Variants in SLC14A2 observed in about 807,000 individuals in gnomAD.
The protein encoded by SLC14A2 is urea transporter 2.
SLC14A2 carries 91 observed loss-of-function variants against 104.6 expected under a neutral mutation model. The ratio of observed to expected loss-of-function variants is 0.87; its 90% confidence interval spans 0.73 to 1.04. SLC14A2 has a LOEUF of 1.04. SLC14A2 is among the 50% of genes least tolerant of loss of function. The pLI is 0.00. For synonymous variants in SLC14A2, 476 were observed against 466.4 expected, an observed-to-expected ratio of 1.02 and a Z score of -0.27; for missense variants, 1,189 against 1,156.0, an observed-to-expected ratio of 1.03 and a Z score of -0.41.
rs138408346 is a variant in SLC14A2 at position 45,503,933 on chromosome 18, G to C, written c.-35+20611G>C. The stretch of plus-strand genomic sequence containing the variant: ...GATTCAGCTGACTTACCCAAAGTTA[G>C]TAACAGAGCCCCTTCCAGAACCATC... On this transcript the variant is annotated intron_variant, in intron 2 of 20. Coordinates refer to the SLC14A2 transcript ENST00000586448. 6.7e-3 allele frequency among the ~76,000 whole-genome samples: 948 copies of C among 141,122 alleles called. 10 individuals carry two copies. The highest frequency in any genetic ancestry group is 0.011 in the Non-Finnish European group (675 of 63,276). 92.6% of individuals were successfully genotyped at this position (141,122 alleles called of 152,430 possible).
intron 10 of SLC14A2, among the ~76,000 whole-genome samples, chr18:45,657,806 C>A (rs2045867054): frequency 6.6e-6 from 1 of 152,172 alleles, no homozygotes; most frequent in Non-Finnish European, 1.5e-5. Context: ...TCAATTCTAA[C>A]ATCCAATGCC....
intron 1 of SLC14A2, among the ~76,000 whole-genome samples, chr18:45,448,117 C>T (rs1339395735): frequency 6.6e-6 from 1 of 152,182 alleles, no homozygotes; most frequent in East Asian, 1.9e-4. Flanking sequence ...GGCACACCCA[C>T]CTGCTTCTAT....
intron 1 of SLC14A2, among the ~76,000 whole-genome samples, chr18:45,470,479 A>G (rs1384976524): frequency 6.6e-6 from 1 of 152,128 alleles, no homozygotes; most frequent in African/African-American, 2.4e-5. Flanking sequence ...CTCAGTTTAG[A>G]CATCACATAC....
At chr18:45,195,626 G>A in the SLC14A2 span, among the ~76,000 whole-genome samples, 21 of 152,204 alleles carry the variant, frequency 1.4e-4, no homozygotes, top group African/African-American at 5.1e-4. Context: ...TCCTGACCTC[G>A]TGAACTGCCC....
intron 1 of SLC14A2, among the ~76,000 whole-genome samples, chr18:45,448,359 C>G (rs2086804352): frequency 6.6e-6 from 1 of 152,152 alleles, no homozygotes; most frequent in African/African-American, 2.4e-5. Context: ...CAAACCATGA[C>G]AGTTTGTACA....
intron 1 of SLC14A2, among the ~76,000 whole-genome samples, chr18:45,396,272 C>G (rs1466143237): frequency 1.3e-5 from 2 of 152,150 alleles, no homozygotes; most frequent in African/African-American, 2.4e-5. Context: ...TGTGTGATCC[C>G]ACAATCCTTT....
intron 1 of SLC14A2, among the ~76,000 whole-genome samples, chr18:45,330,044 C>T (rs1051628609): frequency 3.3e-5 from 5 of 152,140 alleles, no homozygotes; most frequent in Non-Finnish European, 7.3e-5. Context: ...AATAATATCT[C>T]GTTCTACAGA....
At chr18:45,524,595 A>T (rs1226931010) in intron 2 of SLC14A2, among the ~76,000 whole-genome samples, 1 of 152,202 alleles carries the variant, frequency 6.6e-6, no homozygotes, top group Non-Finnish European at 1.5e-5. Context: ...ATATATCCAC[A>T]TCAGAAGGCC....
chr18:45,422,955 C>T (rs2086369946), intron 1 of SLC14A2, among the ~76,000 whole-genome samples: 1 of 152,176 alleles, frequency 6.6e-6, no homozygotes, highest in Admixed American at 6.5e-5. Context: ...GCTGTCCCCT[C>T]CTAACTTTTC....
chr18:45,330,052 A>G (rs1004791969), intron 1 of SLC14A2, among the ~76,000 whole-genome samples: 2 of 152,222 alleles, frequency 1.3e-5, no homozygotes, highest in African/African-American at 4.8e-5. Flanking sequence ...CTCGTTCTAC[A>G]GAAGAGGAAA....
At chr18:45,249,843 G>A (rs916831333) in intron 1 of SLC14A2, among the ~76,000 whole-genome samples, 4 of 152,148 alleles carry the variant, frequency 2.6e-5, no homozygotes, top group Admixed American at 6.5e-5. Context: ...TAGCTACTAA[G>A]GAGGCTGAGA....
intron 1 of SLC14A2, among the ~76,000 whole-genome samples, chr18:45,224,175 A>G (rs1350905): frequency 0.32 from 48,406 of 152,136 alleles, 8,290 homozygotes; most frequent in African/African-American, 0.46. Flanking sequence ...GCTGCTGTGC[A>G]GTGTCCTAGA....
intron 1 of SLC14A2, among the ~76,000 whole-genome samples, chr18:45,419,704 G>A (rs779955980): frequency 4.0e-5 from 6 of 151,818 alleles, no homozygotes; most frequent in Admixed American, 6.6e-5. Flanking sequence ...ATCCCAGGAG[G>A]CAGAGGTTGC....
Position 45,519,818 on chromosome 18 carries a change from T to C in SLC14A2, c.-35+36496T>C, listed in dbSNP as rs553599563. 2.0e-5 allele frequency among the ~76,000 whole-genome samples: 3 copies of C among 152,192 alleles called. 1 individual carries two copies. The highest frequency in any genetic ancestry group is 7.2e-5 in the African/African-American group (3 of 41,522). On this transcript the variant is annotated intron_variant, in intron 2 of 20. Transcript: ENST00000586448. ...TGGAGCCTGTGGTTTAGCAGCCCTT[T>C]GTGAGATCGCTCTGGGTTCTACACT... is the stretch of plus-strand genomic sequence containing the variant.
chr18:45,604,685 T>C (rs2044841305), intron 2 of SLC14A2, among the ~76,000 whole-genome samples: 2 of 152,338 alleles, frequency 1.3e-5, no homozygotes, highest in Non-Finnish European at 2.9e-5. Flanking sequence ...ACCCCCAATA[T>C]GTTTCTTTAA....
chr18:45,320,562 A>G (rs1415187016), intron 1 of SLC14A2, among the ~76,000 whole-genome samples: 1 of 152,114 alleles, frequency 6.6e-6, no homozygotes, highest in Non-Finnish European at 1.5e-5. Context: ...CTTGCAGTGC[A>G]TTGCACTGAC....
intron 2 of SLC14A2, among the ~76,000 whole-genome samples, chr18:45,507,594 T>C (rs2043305701): frequency 6.6e-6 from 1 of 152,190 alleles, no homozygotes; most frequent in Non-Finnish European, 1.5e-5. Context: ...CTGTCCTCAG[T>C]GGGCATACAA....
Position 45,672,913 on chromosome 18 carries a change from TC to T in SLC14A2, c.2247del (p.Val750LeufsTer20). ...EVQVPLLLRA[I>X]PVGIGQVYGC... ...TTATGCCTACAGCTTTTGAGAGCCA[TC>T]CCCGTTGGAATTGGCCAAGTGTACG... On this transcript the variant is annotated frameshift_variant, in exon 17 of 20. Transcript: ENST00000255226. LOFTEE classifies it high-confidence loss of function. The T allele has an allele frequency of 6.2e-7, 1 of 1,613,650 alleles. No homozygotes were observed. Among genetic ancestry groups the T allele is most frequent in the Non-Finnish European group, 8.5e-7 (1 of 1,179,798 alleles).
At chr18:45,625,130 C>T (rs991740855) in intron 2 of SLC14A2, among the ~76,000 whole-genome samples, 1 of 152,146 alleles carries the variant, frequency 6.6e-6, no homozygotes, top group Non-Finnish European at 1.5e-5. Context: ...TGTTGAAATG[C>T]AGGCCATTAG....
Sources: allele counts gnomAD v4.1 joint callset (sites outside exome capture counted in the v4.1 genomes callset), GRCh38; gene constraint gnomAD v4.1.1; transcripts MANE v1.5; gene names NCBI Gene and HGNC (gene_info 2026-07-23, HGNC 2026-07-21).